Variants in PCBP3 observed in about 807,000 individuals in gnomAD.
PCBP3 encodes poly(rC)-binding protein 3.
In PCBP3, 25 loss-of-function variants were observed where a neutral mutation model predicts 52.7. The observed-to-expected ratio is 0.47, with a 90% CI of 0.35 to 0.66. The LOEUF is 0.66. PCBP3 is among the 30% of genes least tolerant of loss of function. The pLI, the probability that PCBP3 is intolerant of heterozygous loss-of-function variation, is 0.01. For synonymous variants in PCBP3, 162 were observed against 183.0 expected, an observed-to-expected ratio of 0.89 and a Z score of 0.93; for missense variants, 391 against 490.3, an observed-to-expected ratio of 0.80 and a Z score of 1.91.
At chr21:45,655,275 C>G (rs1449552426) in intron 1 of PCBP3, among the ~76,000 whole-genome samples, 2 of 151,578 alleles carry the variant, frequency 1.3e-5, no homozygotes, top group African/African-American at 4.8e-5. Context: ...GAATAACTGC[C>G]AAATTGTTTC....
rs974620250 is a variant in PCBP3 at position 45,880,444 on chromosome 21, G to A, written c.11-15764G>A. Among the ~76,000 whole-genome samples the A allele has an allele frequency of 6.6e-6, 1 of 152,242 alleles. No homozygotes were observed. The highest frequency in any genetic ancestry group is 2.4e-5 in the African/African-American group (1 of 41,460). ...TGTCTGAATGAAAAACGCAGGAGTG[G>A]GTGGTGTGGGAGAAAATAGGATTAC... On this transcript the variant is annotated intron_variant, in intron 5 of 17. Transcript: ENST00000681687. This position sits in a 1 kb window ranked among gnomAD's most constrained non-coding sequence, Gnocchi z 5.4.
chr21:45,811,674 T>C (rs2092690842), intron 4 of PCBP3, among the ~76,000 whole-genome samples: 1 of 152,262 alleles, frequency 6.6e-6, no homozygotes, highest in Admixed American at 6.5e-5. Context: ...TATTGAGACA[T>C]GTTGGCTTGC....
Position 45,917,270 on chromosome 21 carries a change from C to T in PCBP3, c.676-318C>T. 2 of 297,846 alleles carry T rather than the reference C, an allele frequency of 6.7e-6. No individual in the cohort carries two copies. Among genetic ancestry groups the T allele is most frequent in the South Asian group, 9.2e-5 (1 of 10,914 alleles). 18.5% of individuals were successfully genotyped at this position (297,846 alleles called of 1,614,324 possible). On this transcript the variant is annotated intron_variant, in intron 12 of 17. Coordinates refer to ENST00000681687, the MANE Select transcript of PCBP3 (RefSeq NM_001384156.1). This position sits in a 1 kb window ranked among gnomAD's most constrained non-coding sequence, Gnocchi z 5.3. ...CAAAACCGTAATAATTAGTGGAGAC[C>T]TCTTACTGGGCAGATCACTCTTCGA...
At chr21:45,890,341 G>A (rs1041950980) in intron 5 of PCBP3, among the ~76,000 whole-genome samples, 4 of 151,770 alleles carry the variant, frequency 2.6e-5, no homozygotes, top group East Asian at 3.9e-4. Flanking sequence ...CCTGGAACTC[G>A]GTGCACTTAG....
intron 4 of PCBP3, among the ~76,000 whole-genome samples, chr21:45,808,709 A>C (rs905920238): frequency 1.3e-5 from 2 of 152,202 alleles, no homozygotes; most frequent in East Asian, 3.9e-4. Flanking sequence ...AAAGGATTAT[A>C]AGTCATTCTA....
intron 5 of PCBP3, among the ~76,000 whole-genome samples, chr21:45,882,245 T>G (rs1463452105): frequency 1.3e-5 from 2 of 152,248 alleles, no homozygotes. Context: ...GATATCCCAT[T>G]GTGGTTTGAA....
intron 4 of PCBP3, among the ~76,000 whole-genome samples, chr21:45,806,725 G>A (rs1036891695): frequency 2.0e-5 from 3 of 151,932 alleles, no homozygotes; most frequent in East Asian, 1.9e-4. Context: ...GACCCAGGCC[G>A]CAGAGTCCCC....
rs957083704 is a variant in PCBP3 at position 45,843,088 on chromosome 21, C to G, written c.-125-6873C>G. Among the ~76,000 whole-genome samples, 7 of 152,224 alleles carry G rather than the reference C, an allele frequency of 4.6e-5. No homozygotes were observed. In the South Asian group the frequency reaches 1.2e-3, roughly 27 times the overall value. On this transcript the variant is annotated intron_variant, in intron 4 of 17. Transcript: ENST00000681687. ...AATAAGAAACCCAAAGAATAGCGAA[C>G]TCACCGCTGTGTCATTCTCCAAATC...
Position 45,761,504 on chromosome 21 carries a change from T to G in PCBP3, c.-126+6052T>G, listed in dbSNP as rs139207073. 13 of 152,406 alleles carry G rather than the reference T, an allele frequency of 8.5e-5. No individual in the cohort carries two copies. In the East Asian group the frequency reaches 2.3e-3, roughly 27 times the overall value. 9.4% of individuals were successfully genotyped at this position (152,406 alleles called of 1,614,324 possible). A position where few individuals can be genotyped will look rare whatever the true frequency, so the allele number is the denominator to read the frequency against. On this transcript the variant is annotated intron_variant, in intron 4 of 17. Transcript: ENST00000681687. ...AGGGTGTCCACTTGCCTCTCTTGCC[T>G]GGACAGAGCATGTGACGGTCACCTT...
chr21:45,725,915 G>C (rs2148392870), intron 2 of PCBP3, among the ~76,000 whole-genome samples: 1 of 152,244 alleles, frequency 6.6e-6, no homozygotes, highest in Non-Finnish European at 1.5e-5. Context: ...AGGAGATGAG[G>C]TCAGGAGAGC....
intron 2 of PCBP3, among the ~76,000 whole-genome samples, chr21:45,719,565 G>A (rs1440059841): frequency 1.1e-4 from 16 of 152,038 alleles, no homozygotes; most frequent in Non-Finnish European, 1.5e-5. Flanking sequence ...TTTTCCCCAT[G>A]CTGTTCTCGT....
At chr21:45,823,048 A>G (rs1418219981) in intron 4 of PCBP3, among the ~76,000 whole-genome samples, 5 of 152,178 alleles carry the variant, frequency 3.3e-5, no homozygotes, top group African/African-American at 1.2e-4. Flanking sequence ...GGTCTGTGCA[A>G]CCTAAGGGTG....
chr21:45,912,112 G>A (rs1455100137), intron 11 of PCBP3, among the ~76,000 whole-genome samples: 1 of 152,232 alleles, frequency 6.6e-6, no homozygotes, highest in African/African-American at 2.4e-5. Context: ...TCTGCTGCCT[G>A]CGTCCCGGTG....
chr21:45,721,011 G>T (rs992830762), intron 2 of PCBP3, among the ~76,000 whole-genome samples: 1 of 152,248 alleles, frequency 6.6e-6, no homozygotes, highest in Non-Finnish European at 1.5e-5. Context: ...GATGTTTGAA[G>T]GTACCTTGCT....
intron 15 of PCBP3, among the ~76,000 whole-genome samples, chr21:45,934,971 T>C (rs954048799): frequency 6.6e-6 from 1 of 152,084 alleles, no homozygotes; most frequent in Non-Finnish European, 1.5e-5. Context: ...TATACAAACA[T>C]AACAGGGGAG....
chr21:45,798,673 G>GTGTA (rs1376129961), intron 4 of PCBP3, among the ~76,000 whole-genome samples: 2 of 151,250 alleles, frequency 1.3e-5, no homozygotes, highest in Non-Finnish European at 2.9e-5. Flanking sequence ...GTGAATGGAT[G>GTGTA]TGTACATGGA....
In PCBP3 at chr21:45,900,581, T is replaced by A. The variant is rs746871693; in HGVS notation, c.190-10T>A. 1.2e-6 allele frequency: 2 copies of A among 1,610,700 alleles called. No individual in the cohort carries two copies. The highest frequency in any genetic ancestry group is 1.7e-6 in the Non-Finnish European group (2 of 1,177,494). On this transcript the variant is annotated splice_polypyrimidine_tract_variant and intron_variant, in intron 7 of 17. Coordinates refer to ENST00000681687, the MANE Select transcript of PCBP3 (RefSeq NM_001384156.1). The stretch of plus-strand genomic sequence containing the variant: ...ATACCTTTTCCTTATTGTCTAAATC[T>A]TTATTCCAGAAAGGAGAAACTGTGA...
chr21:45,768,526 T>TA (rs1176916389), intron 4 of PCBP3, among the ~76,000 whole-genome samples: 1 of 152,246 alleles, frequency 6.6e-6, no homozygotes, highest in Non-Finnish European at 1.5e-5. Context: ...AGTATATCAT[T>TA]ACCACATTCT....
rs2091549358 is a variant in PCBP3 at position 45,791,381 on chromosome 21, G to C, written c.-126+35929G>C. Among the ~76,000 whole-genome samples, 1 of 152,172 alleles carries C rather than the reference G, an allele frequency of 6.6e-6. No homozygotes were observed. Among genetic ancestry groups the C allele is most frequent in the Non-Finnish European group, 1.5e-5 (1 of 68,036 alleles). On this transcript the variant is annotated intron_variant, in intron 4 of 17. Coordinates refer to ENST00000681687, the MANE Select transcript of PCBP3 (RefSeq NM_001384156.1). The surrounding 1 kb of genome is among the most constrained non-coding windows in gnomAD (Gnocchi z 4.2). ...CCTGTGGTCTGGTCTGGTGTACACT[G>C]AGTCGTTTGTGTTCTCCAGTTGTGT...
Sources: allele counts gnomAD v4.1 joint callset (sites outside exome capture counted in the v4.1 genomes callset), GRCh38; gene constraint gnomAD v4.1.1; non-coding constraint Gnocchi (gnomAD v3.1); transcripts MANE v1.5; gene names NCBI Gene and HGNC (gene_info 2026-07-23, HGNC 2026-07-21).